Variants in RNF115 observed in about 807,000 individuals in gnomAD.
RNF115 encodes the protein E3 ubiquitin-protein ligase RNF115.
In RNF115, 31 loss-of-function variants were observed where a neutral mutation model predicts 39.2. The ratio of observed to expected loss-of-function variants is 0.79; its 90% CI spans 0.59 to 1.07. The LOEUF (loss-of-function observed/expected upper bound fraction) is 1.07. Ranked by LOEUF, RNF115 falls within the 50% of genes least tolerant of loss-of-function variation. The pLI, the probability that RNF115 is intolerant of heterozygous loss-of-function variation, is 0.00. For missense variants in RNF115, 384 were observed against 381.7 expected, an observed-to-expected ratio of 1.01 and a Z score of -0.05; for synonymous variants, 124 against 131.0, an observed-to-expected ratio of 0.95 and a Z score of 0.37.
At position 145,771,692 on chromosome 1, in the gene RNF115, TTAAAA is replaced by T. The variant is rs782505625; in HGVS notation, c.428+14_428+18del. On this transcript the variant is annotated intron_variant, in intron 4 of 8. Transcript: ENST00000582693. ...TCATTGAAACTACCTTAAAAAGAAC[TTAAAA>T]TAAAACAACTCACCCTTCAATAGCT... 19 of 1,604,318 alleles carry T rather than the reference TTAAAA, an allele frequency of 1.2e-5. No individual in the cohort carries two copies. Among genetic ancestry groups the T allele is most frequent in the Admixed American group, 8.4e-5 (5 of 59,236 alleles).
intron 1 of RNF115, among the ~76,000 whole-genome samples, chr1:145,790,432 G>A (rs1342941177): frequency 4.7e-5 from 7 of 149,934 alleles, no homozygotes; most frequent in African/African-American, 1.7e-4. Flanking sequence ...GAGCCACTGC[G>A]CCCGGCCTTT....
chr1:145,746,806 A>T lies in RNF115; in HGVS notation c.*60T>A. On this transcript the variant is annotated 3_prime_UTR_variant, in exon 9 of 9. Transcript: ENST00000582693. ...CCATCTACTAATTTTTTGTTTTGAT[A>T]CAATTTACAGCTATGGTAAGATGAT... 2 of 1,543,902 alleles carry T rather than the reference A, an allele frequency of 1.3e-6. No homozygotes were observed. Among genetic ancestry groups the T allele is most frequent in the Admixed American group, 2.0e-5 (1 of 49,794 alleles).
At chr1:145,764,806 G>A in intron 4 of RNF115, among the ~76,000 whole-genome samples, 1 of 149,182 alleles carries the variant, frequency 6.7e-6, no homozygotes, top group South Asian at 2.1e-4. Flanking sequence ...GGAGATGGGG[G>A]GTGCCTCCGC....
At chr1:145,753,139 C>T in intron 4 of RNF115, 90 bp from the exon 5 acceptor site, 1 of 840,148 alleles carries the variant, frequency 1.2e-6, no homozygotes, top group Non-Finnish European at 1.9e-6. Context: ...AACTAATTCC[C>T]TAAACCAAAA....
chr1:145,808,404 C>T (rs587774266), intron 1 of RNF115, among the ~76,000 whole-genome samples: 14 of 152,234 alleles, frequency 9.2e-5, no homozygotes, highest in African/African-American at 3.4e-4. Flanking sequence ...AATGGTATCT[C>T]ATTCTGGTTT....
intron 3 of RNF115, among the ~76,000 whole-genome samples, chr1:145,777,945 AAC>A (rs1271214189): frequency 6.6e-6 from 1 of 152,208 alleles, no homozygotes; most frequent in Admixed American, 6.5e-5. Context: ...CAATGAGTTG[AAC>A]AGTTACCATA....
At chr1:145,788,738 C>T (rs782331625) in intron 2 of RNF115, 170 bp downstream of exon 2, 5 of 704,314 alleles carry the variant, frequency 7.1e-6, no homozygotes, top group Non-Finnish European at 1.3e-5. Context: ...TTTTCCTCTC[C>T]CATTCTTCTG....
rs782534888 is a variant in RNF115 at position 145,769,780 on chromosome 1, A to G, written c.428+1931T>C. Reference sequence around the variant, plus strand: ...ATCCTTAAAAAAAAAAAAAAAAAAGATAAGGAACAAATCAACTCCAATAAT... The same window carrying G: ...ATCCTTAAAAAAAAAAAAAAAAAAGGTAAGGAACAAATCAACTCCAATAAT... On this transcript the variant is annotated intron_variant, in intron 4 of 8. Coordinates refer to ENST00000582693, the MANE Select transcript of RNF115 (RefSeq NM_014455.4). 8.1e-5 allele frequency among the ~76,000 whole-genome samples: 12 copies of G among 148,226 alleles called. No homozygotes were observed. In the South Asian group the frequency reaches 1.7e-3, roughly 21 times the overall value.
intron 1 of RNF115, among the ~76,000 whole-genome samples, chr1:145,790,963 GA>G (rs1469563929): frequency 1.3e-5 from 2 of 151,820 alleles, no homozygotes; most frequent in Non-Finnish European, 2.9e-5. Flanking sequence ...CCAACATGGT[GA>G]AACTCCATCT....
In RNF115 at chr1:145,743,345, G is replaced by A. The variant is rs1254345620; in HGVS notation, c.*3521C>T. The A allele has an allele frequency of 1.3e-5, 2 of 152,168 alleles. No individual in the cohort carries two copies. The highest frequency in any genetic ancestry group is 6.6e-5 in the Admixed American group (1 of 15,264). The allele number at this position is 152,168 out of a possible 1,614,324, so 9.4% of individuals were successfully genotyped here. A position where few individuals can be genotyped will look rare whatever the true frequency, so the allele number is the denominator to read the frequency against. ...TCAGTCTTTTCCTGCCTCTGAACTG[G>A]AACAGAAACATCAGCTCTTCTAGGG... is the stretch of plus-strand genomic sequence containing the variant. On this transcript the variant is annotated 3_prime_UTR_variant, in exon 9 of 9. Coordinates refer to ENST00000582693, the MANE Select transcript of RNF115 (RefSeq NM_014455.4).
At chr1:145,785,489 T>C (rs916995122) in intron 2 of RNF115, among the ~76,000 whole-genome samples, 1 of 152,178 alleles carries the variant, frequency 6.6e-6, no homozygotes, top group Non-Finnish European at 1.5e-5. Flanking sequence ...TTAAATCCCA[T>C]TGTCCCCATG....
chr1:145,785,834 T>A (rs1187497121), intron 2 of RNF115, among the ~76,000 whole-genome samples: 1 of 152,216 alleles, frequency 6.6e-6, no homozygotes, highest in Non-Finnish European at 1.5e-5. Flanking sequence ...AATACCTGCA[T>A]TAATTTCAGA....
intron 1 of RNF115, among the ~76,000 whole-genome samples, chr1:145,802,960 C>A (rs183081394): frequency 1.3e-5 from 2 of 152,076 alleles, no homozygotes; most frequent in African/African-American, 4.8e-5. Flanking sequence ...TCAAGTGAAC[C>A]CCAAAACAAA....
intron 3 of RNF115, among the ~76,000 whole-genome samples, chr1:145,774,603 G>A (rs1553716260): frequency 1.3e-5 from 2 of 151,914 alleles, no homozygotes; most frequent in Admixed American, 6.6e-5. Context: ...CGCCCACCTC[G>A]GCCTCCCAAA....
intron 1 of RNF115, among the ~76,000 whole-genome samples, chr1:145,807,741 G>A (rs1204611753): frequency 6.6e-6 from 1 of 152,024 alleles, no homozygotes; most frequent in Non-Finnish European, 1.5e-5. Context: ...GTTAACTTTA[G>A]TCACTCTACT....
intron 1 of RNF115, 136 bp from the exon 2 acceptor site, chr1:145,789,102 G>GT (rs797033513): frequency 0.13 from 57,223 of 436,208 alleles, 6 homozygotes; most frequent in South Asian, 0.2. Flanking sequence ...AGTAGTTTTT[G>GT]TTTTTTTTTT....
intron 7 of RNF115, among the ~76,000 whole-genome samples, chr1:145,749,758 A>G (rs1370233441): frequency 2.6e-5 from 4 of 152,048 alleles, no homozygotes; most frequent in African/African-American, 9.7e-5. Flanking sequence ...TTCCCTAAAG[A>G]CCACTTTACC....
At chr1:145,821,999 A>AT (rs1427239499) in intron 1 of RNF115, among the ~76,000 whole-genome samples, 1 of 151,486 alleles carries the variant, frequency 6.6e-6, no homozygotes, top group Non-Finnish European at 1.5e-5. Context: ...AAAAAAAAAA[A>AT]CATAAACACA....
chr1:145,820,803 C>T (rs1286748594), intron 1 of RNF115, among the ~76,000 whole-genome samples: 2 of 150,660 alleles, frequency 1.3e-5, no homozygotes. Flanking sequence ...GTTCTCACCA[C>T]GCAAAAATAA....
Sources: gnomAD v4.1 joint callset for allele counts (sites outside exome capture counted in the v4.1 genomes callset) on GRCh38, gnomAD v4.1.1 for gene constraint, MANE v1.5 for transcripts, NCBI Gene and HGNC (gene_info 2026-07-23, HGNC 2026-07-21) for gene names.